Variants in C1orf21 observed in about 807,000 individuals in gnomAD.
The protein encoded by C1orf21 is chromosome 1 open reading frame 21.
Under a neutral mutation model 18.7 loss-of-function variants are expected in C1orf21, and 3 were observed. The ratio of observed to expected loss-of-function variants is 0.16; its 90% CI spans 0.07 to 0.42. The LOEUF is 0.42. Among genes scored for constraint, C1orf21 ranks in the 10% least tolerant of loss-of-function variants. C1orf21 has a pLI of 0.99. For synonymous variants in C1orf21, 41 were observed against 46.4 expected (o/e 0.88, Z 0.47); for missense variants, 104 against 143.6 (o/e 0.72, Z 1.41).
intron 2 of C1orf21, among the ~76,000 whole-genome samples, chr1:184,500,806 G>A (rs1284334362): frequency 1.3e-5 from 2 of 152,172 alleles, no homozygotes; most frequent in Non-Finnish European, 2.9e-5. Flanking sequence ...TCTGAGGACA[G>A]TGATGCCTCC....
intron 1 of C1orf21, among the ~76,000 whole-genome samples, chr1:184,430,113 CA>C (rs34368090): frequency 0.088 from 8,838 of 100,392 alleles, 327 homozygotes; most frequent in African/African-American, 0.16. Flanking sequence ...CTCCGTCTCA[CA>C]AAAAAAAAAA....
In C1orf21 at chr1:184,607,639, ATATG is replaced by A. The variant is rs577891547; in HGVS notation, c.327+9180_327+9183del. On this transcript the variant is annotated intron_variant, in intron 5 of 5. Coordinates refer to ENST00000235307, the MANE Select transcript of C1orf21 (RefSeq NM_030806.4). ...CACATGTGTATATACACATACATAT[ATATG>A]TGTGTGTATATATACATATATATGT... Among the ~76,000 whole-genome samples the A allele has an allele frequency of 2.6e-4, 40 of 151,534 alleles. 1 individual carries two copies. The highest frequency in any genetic ancestry group is 2.5e-3 in the South Asian group (12 of 4,804).
intron 1 of C1orf21, among the ~76,000 whole-genome samples, chr1:184,431,278 C>T (rs910856787): frequency 6.6e-6 from 1 of 152,144 alleles, no homozygotes; most frequent in Non-Finnish European, 1.5e-5. Context: ...GATATATAGG[C>T]CAATGGAACA....
chr1:184,412,228 A>G (rs540956289), intron 1 of C1orf21: 29 of 152,324 alleles, frequency 1.9e-4, no homozygotes, highest in African/African-American at 7.0e-4. Context: ...CCCCACTGTT[A>G]AGGTGCAGGT....
At chr1:184,575,849 A>G (rs570084427) in intron 3 of C1orf21, among the ~76,000 whole-genome samples, 2 of 152,198 alleles carry the variant, frequency 1.3e-5, no homozygotes, top group African/African-American at 2.4e-5. Flanking sequence ...AGCTAGGCTA[A>G]CCAGTGTTTC....
chr1:184,440,806 A>G lies in C1orf21; in HGVS notation c.-124-36580A>G, dbSNP rs1204448774. Among the ~76,000 whole-genome samples the G allele has an allele frequency of 3.3e-5, 5 of 152,212 alleles. No individual in the cohort carries two copies. In the East Asian group the frequency reaches 9.6e-4, roughly 29 times the overall value. On this transcript the variant is annotated intron_variant, in intron 1 of 5. Coordinates refer to ENST00000235307, the MANE Select transcript of C1orf21 (RefSeq NM_030806.4). ...CACTTATGTTAAAAAATGATTAGGA[A>G]AACCTGGCTTACCTTTTCTAATTAG...
intron 2 of C1orf21, among the ~76,000 whole-genome samples, chr1:184,491,137 G>A (rs939463935): frequency 6.6e-6 from 1 of 152,052 alleles, no homozygotes; most frequent in African/African-American, 2.4e-5. Flanking sequence ...CACACAAAAA[G>A]TGCTGTATAA....
chr1:184,505,636 G>A (rs550371788), intron 2 of C1orf21, among the ~76,000 whole-genome samples: 5 of 151,812 alleles, frequency 3.3e-5, no homozygotes, highest in South Asian at 2.1e-4. Flanking sequence ...GGTAGCAGGC[G>A]CCTGTAATCC....
At chr1:184,440,818 C>T (rs573987219) in intron 1 of C1orf21, among the ~76,000 whole-genome samples, 6 of 152,274 alleles carry the variant, frequency 3.9e-5, no homozygotes, top group Middle Eastern at 3.4e-3. Flanking sequence ...ACCTGGCTTA[C>T]CTTTTCTAAT....
At chr1:184,425,625 C>G (rs71634106) in intron 1 of C1orf21, among the ~76,000 whole-genome samples, 7,775 of 152,088 alleles carry the variant, frequency 0.051, 295 homozygotes, top group Non-Finnish European at 0.072. Context: ...AGCAGTCTTG[C>G]CTCCCTCTGT....
chr1:184,483,008 A>G (rs1657679763), intron 2 of C1orf21, among the ~76,000 whole-genome samples: 1 of 152,214 alleles, frequency 6.6e-6, no homozygotes, highest in Non-Finnish European at 1.5e-5. Context: ...AATCATTGAC[A>G]AGGAACTTCA....
At chr1:184,477,304 C>T (rs1571376654) in intron 1 of C1orf21, 82 bp from the exon 2 acceptor site, 2 of 542,974 alleles carry the variant, frequency 3.7e-6, no homozygotes, top group East Asian at 6.3e-5. Flanking sequence ...TAGTATACTG[C>T]AGGGCACAGC....
At chr1:184,553,938 C>G (rs1158726456) in intron 3 of C1orf21, among the ~76,000 whole-genome samples, 1 of 152,206 alleles carries the variant, frequency 6.6e-6, no homozygotes, top group African/African-American at 2.4e-5. Context: ...AGAGAAGTAA[C>G]AGACACTAGG....
intron 3 of C1orf21, among the ~76,000 whole-genome samples, chr1:184,543,710 A>T (rs944541439): frequency 2.6e-5 from 4 of 152,188 alleles, no homozygotes; most frequent in Admixed American, 6.5e-5. Context: ...TGTTTATTTT[A>T]AAAAATACTA....
chr1:184,433,677 G>A (rs181830155), intron 1 of C1orf21, among the ~76,000 whole-genome samples: 10 of 152,154 alleles, frequency 6.6e-5, no homozygotes, highest in African/African-American at 2.4e-4. Context: ...ATATTTTATT[G>A]TATCCAGTAT....
At chr1:184,470,371 A>AG (rs1385513078) in intron 1 of C1orf21, among the ~76,000 whole-genome samples, 3 of 152,116 alleles carry the variant, frequency 2.0e-5, no homozygotes, top group Admixed American at 6.5e-5. Context: ...CAGTCCAGAA[A>AG]AAAAAGGGGG....
intron 1 of C1orf21, among the ~76,000 whole-genome samples, chr1:184,416,140 A>G (rs1656447654): frequency 6.6e-6 from 1 of 152,218 alleles, no homozygotes; most frequent in Admixed American, 6.5e-5. Context: ...CACCCCTGGC[A>G]AACTGAATAT....
At chr1:184,415,871 C>CA (rs1656442080) in intron 1 of C1orf21, among the ~76,000 whole-genome samples, 1 of 152,138 alleles carries the variant, frequency 6.6e-6, no homozygotes, top group Non-Finnish European at 1.5e-5. Context: ...TGAACTGCCA[C>CA]AGGATAGAAG....
intron 5 of C1orf21, among the ~76,000 whole-genome samples, chr1:184,618,165 C>T (rs1485773713): frequency 6.6e-6 from 1 of 152,140 alleles, no homozygotes; most frequent in African/African-American, 2.4e-5. Flanking sequence ...CTGCCTCGGC[C>T]TCCCAAAGTG....
Sources: allele counts gnomAD v4.1 joint callset (sites outside exome capture counted in the v4.1 genomes callset), GRCh38; gene constraint gnomAD v4.1.1; transcripts MANE v1.5; gene names NCBI Gene and HGNC (gene_info 2026-07-23, HGNC 2026-07-21).